Variants in FHIT observed in about 807,000 individuals in gnomAD.
FHIT encodes the protein bis(5'-adenosyl)-triphosphatase.
Under a neutral mutation model 17.9 loss-of-function variants are expected in FHIT, and 19 were observed. The observed-to-expected ratio is 1.06, with a 90% CI of 0.74 to 1.56. FHIT has a LOEUF of 1.56. FHIT is among the 40% of genes most tolerant of loss of function. The probability of loss-of-function intolerance (pLI) is 0.00; values close to 1 mark genes in which losing one functional copy is unlikely to be tolerated. For synonymous variants in FHIT, 81 were observed against 69.7 expected (o/e 1.16, Z -0.81); for missense variants, 248 against 189.2 (o/e 1.31, Z -1.82).
At chr3:60,675,190 TG>T (rs1300408980) in intron 4 of FHIT, among the ~76,000 whole-genome samples, 6 of 152,210 alleles carry the variant, frequency 3.9e-5, no homozygotes, top group Admixed American at 3.9e-4. Context: ...TAGTTATTCA[TG>T]AAATGAGGTC....
intron 4 of FHIT, among the ~76,000 whole-genome samples, chr3:60,664,202 T>TC (rs1334269359): frequency 1.3e-5 from 2 of 152,162 alleles, no homozygotes; most frequent in Non-Finnish European, 2.9e-5. Context: ...TTATTTACTT[T>TC]TTTTATTTTT....
At chr3:59,963,714 C>T (rs912740121) in intron 7 of FHIT, among the ~76,000 whole-genome samples, 4 of 151,990 alleles carry the variant, frequency 2.6e-5, no homozygotes, top group African/African-American at 9.7e-5. Flanking sequence ...TGGTGGAATC[C>T]CAGTTTTGAA....
intron 3 of FHIT, among the ~76,000 whole-genome samples, chr3:61,021,325 C>T (rs534193472): frequency 7.2e-5 from 11 of 152,034 alleles, no homozygotes; most frequent in East Asian, 1.9e-4. Context: ...TCAGGCCGGG[C>T]GCGGTGGCTC....
At chr3:60,376,867 A>G (rs1156991866) in intron 5 of FHIT, among the ~76,000 whole-genome samples, 2 of 152,232 alleles carry the variant, frequency 1.3e-5, no homozygotes, top group East Asian at 1.9e-4. Context: ...AAATGGTGGC[A>G]TAGAGAAGTG....
rs1431795137 is a variant in FHIT at position 60,013,202 on chromosome 3, T to G, written c.249+805A>C. On this transcript the variant is annotated intron_variant, in intron 6 of 9. Coordinates refer to ENST00000492590, the MANE Select transcript of FHIT (RefSeq NM_002012.4). ...ATCTGGTCTCTTTGAAGCTCTATGG[T>G]AAAGAGCTAAGGAGGGGAGGAAGAA... Among the ~76,000 whole-genome samples, 3 of 152,138 alleles carry G rather than the reference T, an allele frequency of 2.0e-5. No individual in the cohort carries two copies. The East Asian group carries it at 5.8e-4, about 29-fold the overall frequency.
At position 61,002,704 on chromosome 3, in the gene FHIT, G is replaced by A. The variant is rs769989485; in HGVS notation, c.-111+39343C>T. ...GTTTCTTTTTTTTTTAATTAGGCCC[G>A]TTGATTGCTCAGGGTAAGAAATCGT... On this transcript the variant is annotated intron_variant, in intron 3 of 9. Coordinates refer to ENST00000492590, the MANE Select transcript of FHIT (RefSeq NM_002012.4). Among the ~76,000 whole-genome samples the A allele has an allele frequency of 9.9e-5, 15 of 151,880 alleles. 1 individual carries two copies. The East Asian group carries it at 2.1e-3, about 22-fold the overall frequency.
chr3:60,365,431 T>G (rs1700068172), intron 5 of FHIT, among the ~76,000 whole-genome samples: 1 of 152,028 alleles, frequency 6.6e-6, no homozygotes, highest in Non-Finnish European at 1.5e-5. Flanking sequence ...CTATCACAAT[T>G]CACGTTTTAA....
intron 3 of FHIT, among the ~76,000 whole-genome samples, chr3:60,968,080 A>T (rs1437104937): frequency 6.6e-6 from 1 of 152,248 alleles, no homozygotes; most frequent in Non-Finnish European, 1.5e-5. Flanking sequence ...GGCAAGATCC[A>T]TGTCCAGTCT....
At chr3:60,859,325 T>C (rs1553750753) in intron 3 of FHIT, among the ~76,000 whole-genome samples, 1 of 152,130 alleles carries the variant, frequency 6.6e-6, no homozygotes. Context: ...ACAGAAGAGC[T>C]TAATAAATGT....
chr3:60,513,634 G>A (rs891977262), intron 5 of FHIT, among the ~76,000 whole-genome samples: 2 of 152,102 alleles, frequency 1.3e-5, no homozygotes, highest in African/African-American at 4.8e-5. Flanking sequence ...AACACCACAT[G>A]TTCTCACTTA....
rs1249837356 is a variant in FHIT, at chr3:60,500,572, C to A, written c.103+36288G>T. On this transcript the variant is annotated intron_variant, in intron 5 of 9. Transcript: ENST00000492590. ...ATCATTTGAGGTCAGGAGTTTGAGA[C>A]CAGCCTGGTCAACATGGTAAAACCC... Among the ~76,000 whole-genome samples, 5 of 151,720 alleles carry A rather than the reference C, an allele frequency of 3.3e-5. No individual in the cohort carries two copies. In the South Asian group the frequency reaches 8.4e-4, roughly 25 times the overall value.
chr3:59,845,758 T>C (rs949210687), intron 8 of FHIT, among the ~76,000 whole-genome samples: 2 of 152,172 alleles, frequency 1.3e-5, no homozygotes, highest in African/African-American at 2.4e-5. Context: ...TGTTGTTAGG[T>C]AGAGTGTTTG....
chr3:59,825,383 T>C (rs528128921), intron 8 of FHIT, among the ~76,000 whole-genome samples: 52 of 152,346 alleles, frequency 3.4e-4, no homozygotes, highest in African/African-American at 1.3e-3. Flanking sequence ...TTTCATTTAT[T>C]ATCATAGACA....
intron 3 of FHIT, among the ~76,000 whole-genome samples, chr3:60,833,714 G>A (rs1553743184): frequency 6.6e-6 from 1 of 152,102 alleles, no homozygotes; most frequent in Non-Finnish European, 1.5e-5. Context: ...CCAAGATATT[G>A]ACAATGACAC....
At chr3:60,516,634 AC>A (rs1473888080) in intron 5 of FHIT, among the ~76,000 whole-genome samples, 2 of 152,190 alleles carry the variant, frequency 1.3e-5, no homozygotes, top group African/African-American at 4.8e-5. Flanking sequence ...GGAGATACCA[AC>A]AGTACCCACC....
intron 2 of FHIT, among the ~76,000 whole-genome samples, chr3:61,057,169 G>C (rs1348433555): frequency 6.6e-6 from 1 of 152,182 alleles, no homozygotes; most frequent in Non-Finnish European, 1.5e-5. Context: ...CATTCATCTT[G>C]TTAATGCAAT....
chr3:60,955,046 T>C (rs1197183265), intron 3 of FHIT, among the ~76,000 whole-genome samples: 1 of 152,210 alleles, frequency 6.6e-6, no homozygotes, highest in Admixed American at 6.5e-5. Flanking sequence ...AACAGGTTTT[T>C]AAATTCAAAA....
chr3:61,043,745 A>G (rs2033645500), intron 2 of FHIT, among the ~76,000 whole-genome samples: 2 of 152,332 alleles, frequency 1.3e-5, no homozygotes, highest in East Asian at 3.9e-4. Flanking sequence ...GCCGACTGAC[A>G]CCTCACACAG....
chr3:60,657,235 A>G (rs9820196), intron 4 of FHIT, among the ~76,000 whole-genome samples: 7,983 of 152,254 alleles, frequency 0.052, 711 homozygotes, highest in African/African-American at 0.18. Flanking sequence ...GAAATGGAGG[A>G]GGTGAGGACA....
Sources: allele counts gnomAD v4.1 joint callset (sites outside exome capture counted in the v4.1 genomes callset), GRCh38; gene constraint gnomAD v4.1.1; transcripts MANE v1.5; gene names NCBI Gene and HGNC (gene_info 2026-07-23, HGNC 2026-07-21).